XRCC5: variants seen among roughly 807,000 people sequenced by gnomAD.
The protein encoded by XRCC5 is DNA repair protein Ku80.
A neutral mutation model predicts 95.7 loss-of-function variants in XRCC5; 12 were observed. The ratio of observed to expected loss-of-function variants is 0.13; its 90% CI spans 0.08 to 0.20. XRCC5 has a LOEUF of 0.20. Among genes scored for constraint, XRCC5 ranks in the 10% least tolerant of loss-of-function variants. XRCC5 has a pLI of 1.00. For synonymous variants in XRCC5, 281 were observed against 290.3 expected (o/e 0.97, Z 0.33); for missense variants, 595 against 873.9 (o/e 0.68, Z 4.02).
At chr2:216,175,379 T>C (rs1279251054) in intron 16 of XRCC5, 8 of 494,234 alleles carry the variant, frequency 1.6e-5, no homozygotes, top group Non-Finnish European at 3.2e-5. Flanking sequence ...ACCCATAAAG[T>C]TGTCAGATCC....
Position 216,149,311 on chromosome 2 carries a change from T to C in XRCC5, c.1670+1035T>C, listed in dbSNP as rs949572289. On this transcript the variant is annotated intron_variant, in intron 14 of 20. Coordinates refer to ENST00000392132, the MANE Select transcript of XRCC5 (RefSeq NM_021141.4). ...TTGTCAGAATTGAAAAAAAAAATCATGTACTTGGTTCCGCCGCACCAACTG... is the reference window on the plus strand; with the variant it reads ...TTGTCAGAATTGAAAAAAAAAATCACGTACTTGGTTCCGCCGCACCAACTG... 1.9e-4 allele frequency among the ~76,000 whole-genome samples: 29 copies of C among 152,164 alleles called. 1 individual carries two copies. The highest frequency in any genetic ancestry group is 6.8e-4 in the African/African-American group (28 of 41,432).
At chr2:216,177,207 T>C (rs1689293687) in intron 16 of XRCC5, among the ~76,000 whole-genome samples, 1 of 152,180 alleles carries the variant, frequency 6.6e-6, no homozygotes, top group Non-Finnish European at 1.5e-5. Context: ...TCAGGGCAAT[T>C]TGGTTGATAG....
At chr2:216,153,808 TCA>T (rs1328519330) in intron 14 of XRCC5, among the ~76,000 whole-genome samples, 4 of 152,216 alleles carry the variant, frequency 2.6e-5, no homozygotes, top group Non-Finnish European at 4.4e-5. Flanking sequence ...CTTTTTTATT[TCA>T]GAGCCTCAAA....
At chr2:216,120,378 AGCCTTT>A (rs1488723055) in intron 5 of XRCC5, among the ~76,000 whole-genome samples, 66 of 152,310 alleles carry the variant, frequency 4.3e-4, no homozygotes, top group African/African-American at 1.4e-3. Flanking sequence ...GAGGAAGCAT[AGCCTTT>A]GCTTCTATTT....
At chr2:216,120,623 A>T (rs970660910) in intron 5 of XRCC5, among the ~76,000 whole-genome samples, 5 of 151,936 alleles carry the variant, frequency 3.3e-5, no homozygotes, top group Non-Finnish European at 5.9e-5. Context: ...TGGCATAGTT[A>T]TAGCTCACTG....
intron 14 of XRCC5, among the ~76,000 whole-genome samples, chr2:216,152,806 G>T (rs748430815): frequency 1.3e-5 from 2 of 151,810 alleles, no homozygotes; most frequent in East Asian, 3.9e-4. Context: ...AGTAACTCAC[G>T]CCGGCTAAGT....
intron 20 of XRCC5, 100 bp downstream of exon 20, chr2:216,204,496 G>A: frequency 7.4e-7 from 1 of 1,350,652 alleles, no homozygotes; most frequent in East Asian, 2.4e-5. Flanking sequence ...TTGCTTATTT[G>A]TGTTTTAATT....
In XRCC5 at chr2:216,116,839, G is replaced by A. The variant is rs1270587759; in HGVS notation, c.316G>A (p.Asp106Asn). 1 of 1,611,880 alleles carries A rather than the reference G, an allele frequency of 6.2e-7. No individual in the cohort carries two copies. Among genetic ancestry groups the A allele is most frequent in the Non-Finnish European group, 8.5e-7 (1 of 1,178,230 alleles). ...AATCCAACCAGGTTCTCAACAGGCT[G>A]ACTGTATCCTTTTTCTGCCAGAGAA... is the stretch of plus-strand genomic sequence containing the variant. ...SKIQPGSQQA[D>N]FLDALIVSMD... is the part of the protein sequence containing the mutation. Residue 106 changes from aspartate (D) to asparagine (N), a missense_variant, in exon 3 of 21, where the codon GAC (aspartate) becomes AAC (asparagine). By Grantham distance (23) the Asp-to-Asn change is conservative. Around this residue, in one of 2 missense-constraint regions of XRCC5, gnomAD observed 286 missense variants for 491.1 expected, o/e 0.58. Coordinates refer to ENST00000392132, the MANE Select transcript of XRCC5 (RefSeq NM_021141.4).
intron 1 of XRCC5, among the ~76,000 whole-genome samples, chr2:216,110,817 T>G (rs1696576523): frequency 6.6e-6 from 1 of 152,226 alleles, no homozygotes; most frequent in African/African-American, 2.4e-5. Flanking sequence ...TTTTTTAGGT[T>G]ATCATGCCCC....
At chr2:216,177,535 T>C (rs1689301718) in intron 16 of XRCC5, among the ~76,000 whole-genome samples, 1 of 152,212 alleles carries the variant, frequency 6.6e-6, no homozygotes, top group Non-Finnish European at 1.5e-5. Flanking sequence ...GGAAAAATCA[T>C]ATTAGTAGAG....
chr2:216,158,846 A>C (rs1688895421), intron 14 of XRCC5, among the ~76,000 whole-genome samples: 1 of 152,200 alleles, frequency 6.6e-6, no homozygotes. Flanking sequence ...GGAAGCCCAT[A>C]TATGTTTTAT....
At chr2:216,171,789 T>A (rs977595243) in intron 16 of XRCC5, among the ~76,000 whole-genome samples, 2 of 152,262 alleles carry the variant, frequency 1.3e-5, no homozygotes, top group Admixed American at 6.5e-5. Context: ...TAGAAACATC[T>A]AGTTTCTCTC....
intron 1 of XRCC5, among the ~76,000 whole-genome samples, chr2:216,110,064 A>G (rs568278370): frequency 5.3e-5 from 8 of 152,234 alleles, no homozygotes; most frequent in African/African-American, 1.2e-4. Context: ...AGTGAAAACT[A>G]TTTATCCCCA....
chr2:216,166,615 C>G (rs1689058444), intron 16 of XRCC5, among the ~76,000 whole-genome samples: 1 of 152,100 alleles, frequency 6.6e-6, no homozygotes, highest in African/African-American at 2.4e-5. Context: ...TATCTTCCAC[C>G]CAGCTAATCA....
intron 16 of XRCC5, among the ~76,000 whole-genome samples, chr2:216,183,049 C>T (rs771658985): frequency 6.6e-6 from 1 of 152,150 alleles, no homozygotes; most frequent in Admixed American, 6.5e-5. Flanking sequence ...ATAATGCTCT[C>T]TTACATAAAA....
chr2:216,141,568 C>CTTTTTTTTTTTTTTTTTTTA (rs1574463198), intron 13 of XRCC5, among the ~76,000 whole-genome samples: 1 of 13,756 alleles, frequency 7.3e-5, no homozygotes, highest in Non-Finnish European at 1.6e-4. Context: ...TTTTTTTTTC[C>CTTTTTTTTTTTTTTTTTTTA]TGGAAGAAGC....
At chr2:216,113,785 G>A (rs530803785) in intron 2 of XRCC5, among the ~76,000 whole-genome samples, 10 of 152,328 alleles carry the variant, frequency 6.6e-5, no homozygotes, top group South Asian at 6.2e-4. Context: ...TGTGGTTTCT[G>A]TATAGTTTCA....
intron 13 of XRCC5, among the ~76,000 whole-genome samples, chr2:216,142,167 T>C (rs541363057): frequency 3.3e-5 from 5 of 152,314 alleles, no homozygotes; most frequent in Admixed American, 3.3e-4. Flanking sequence ...ATGCCTCTTT[T>C]ATATTTTTTC....
At chr2:216,201,204 C>T (rs1214758994) in intron 19 of XRCC5, among the ~76,000 whole-genome samples, 1 of 152,202 alleles carries the variant, frequency 6.6e-6, no homozygotes, top group Non-Finnish European at 1.5e-5. Context: ...GTGTTTATAG[C>T]ATCCATTAAG....
Sources: allele counts gnomAD v4.1 joint callset (sites outside exome capture counted in the v4.1 genomes callset), GRCh38; gene constraint gnomAD v4.1.1; regional missense constraint gnomAD v4.1.1; transcripts MANE v1.5; gene names NCBI Gene and HGNC (gene_info 2026-07-23, HGNC 2026-07-21).